NEK2: variants seen among roughly 807,000 people sequenced by gnomAD.
The protein encoded by NEK2 is serine/threonine-protein kinase Nek2.
NEK2 carries 28 observed loss-of-function variants against 54.1 expected under a neutral mutation model. The ratio of observed to expected loss-of-function variants is 0.52; its 90% CI spans 0.38 to 0.71. The LOEUF (loss-of-function observed/expected upper bound fraction) is 0.71. Ranked by LOEUF, NEK2 falls within the 30% of genes least tolerant of loss-of-function variation. NEK2 has a pLI of 0.00. For missense variants in NEK2, 407 were observed against 531.5 expected, an observed-to-expected ratio of 0.77 and a Z score of 2.30; for synonymous variants, 176 against 193.1, an observed-to-expected ratio of 0.91 and a Z score of 0.73.
rs1194373585 is a variant in NEK2 at position 211,669,059 on chromosome 1, T to A, written c.985+54A>T. 3 of 1,474,174 alleles carry A rather than the reference T, an allele frequency of 2.0e-6. No individual in the cohort carries two copies. The African/African-American group carries it at 4.2e-5, about 21-fold the overall frequency. The allele number at this position is 1,474,174 out of a possible 1,614,324, so 91.3% of individuals were successfully genotyped here. On this transcript the variant is annotated intron_variant, in intron 6 of 7. Coordinates refer to ENST00000366999, the MANE Select transcript of NEK2 (RefSeq NM_002497.4). ...CTGCTCAAAGAGATATTCAGACACA[T>A]CAAAATAACCCACTTGGTAGTTCTC...
At chr1:211,671,970 G>C (rs531401861) in intron 3 of NEK2, among the ~76,000 whole-genome samples, 1 of 152,320 alleles carries the variant, frequency 6.6e-6, no homozygotes, top group Admixed American at 6.5e-5. Context: ...AATTTCCCAA[G>C]AACCACTTCT....
At chr1:211,673,312 G>A (rs1655458197) in intron 3 of NEK2, among the ~76,000 whole-genome samples, 171 bp downstream of exon 3, 1 of 152,124 alleles carries the variant, frequency 6.6e-6, no homozygotes. Flanking sequence ...TACTTAGGAG[G>A]CTGATGCAGG....
chr1:211,673,705 C>G lies in NEK2; in HGVS notation c.333G>C (p.Glu111Asp). 2 of 1,614,168 alleles carry G rather than the reference C, an allele frequency of 1.2e-6. No homozygotes were observed. Residue 111 changes from glutamate (E) to aspartate (D), a missense_variant, in exon 3 of 8, where the codon GAG becomes GAC. Physicochemically the swap from Glu to Asp is conservative, Grantham distance 45. Coordinates refer to ENST00000366999, the MANE Select transcript of NEK2 (RefSeq NM_002497.4). ...ACTGAGTCATCACTCGAAGAACAAA[C>G]TCTTCATCTAAGTATTGCCTAAAAC... ...GTKERQYLDE[E>D]FVLRVMTQLT...
chr1:211,665,869 G>C (rs1229116711), intron 7 of NEK2, among the ~76,000 whole-genome samples: 1 of 152,118 alleles, frequency 6.6e-6, no homozygotes, highest in East Asian at 1.9e-4. Context: ...TGCTGCCAAT[G>C]CTCACTAAAT....
At chr1:211,666,822 T>C (rs1655196090) in intron 7 of NEK2, 1 of 938,554 alleles carries the variant, frequency 1.1e-6, no homozygotes, top group Non-Finnish European at 1.3e-6. Context: ...AAATAAATAA[T>C]GATAATAAAA....
chr1:211,662,849 A>T lies in NEK2; in HGVS notation c.*577T>A. ...ACAGACAGCTCATATTCTGTTAAAC[A>T]GAAAAAAAAAAAGAATACAAACATC... On this transcript the variant is annotated 3_prime_UTR_variant, in exon 8 of 8. Coordinates refer to ENST00000366999, the MANE Select transcript of NEK2 (RefSeq NM_002497.4). The surrounding 1 kb of genome is among the most constrained non-coding windows in gnomAD (Gnocchi z 4.2). 1.1e-6 allele frequency: 1 copy of T among 897,734 alleles called. No individual in the cohort carries two copies. 55.6% of individuals were successfully genotyped at this position (897,734 alleles called of 1,614,324 possible).
intron 6 of NEK2, among the ~76,000 whole-genome samples, chr1:211,668,561 C>T (rs1184530230): frequency 2.0e-5 from 3 of 152,014 alleles, no homozygotes; most frequent in African/African-American, 7.3e-5. Flanking sequence ...ATGGGAGGAT[C>T]ACTTGAGCTC....
chr1:211,660,247 G>T, downstream of NEK2: 1 of 363,230 alleles, frequency 2.8e-6, no homozygotes, highest in Non-Finnish European at 5.5e-6. Flanking sequence ...TGGGAGCAGG[G>T]GCATTGCATA....
chr1:211,666,618 G>T, intron 7 of NEK2: 1 of 326,828 alleles, frequency 3.1e-6, no homozygotes, highest in Non-Finnish European at 4.4e-6. Context: ...GGCTAACACG[G>T]TGAAACCCCG....
chr1:211,667,325 C>G, intron 6 of NEK2, 94 bp from the exon 7 acceptor site: 2 of 1,163,922 alleles, frequency 1.7e-6, no homozygotes, highest in Non-Finnish European at 2.4e-6. Flanking sequence ...TACTAGCATG[C>G]CTGATACTGA....
At chr1:211,660,424 G>A (rs1654988909), downstream of NEK2, 8 of 701,320 alleles carry the variant, frequency 1.1e-5, no homozygotes, top group Admixed American at 1.1e-4. Flanking sequence ...TTTTGGAGTG[G>A]CCCATTGCAG....
chr1:211,673,302 T>A (rs539424940), intron 3 of NEK2, among the ~76,000 whole-genome samples, 181 bp downstream of exon 3: 29 of 152,212 alleles, frequency 1.9e-4, no homozygotes, highest in African/African-American at 7.0e-4. Flanking sequence ...CCAGCTACTC[T>A]ACTTAGGAGG....
At chr1:211,661,337 C>T, downstream of NEK2, 1 of 445,800 alleles carries the variant, frequency 2.2e-6, no homozygotes, top group South Asian at 2.2e-5. Flanking sequence ...TATCTCCTGG[C>T]CTATCTACTC....
At chr1:211,660,291 G>C (rs1391562918), downstream of NEK2, 1 of 447,198 alleles carries the variant, frequency 2.2e-6, no homozygotes, top group African/African-American at 2.0e-5. Context: ...GGCTGTGGCT[G>C]TAACTGTCAT....
chr1:211,663,917 A>C (rs1273962901), intron 7 of NEK2, among the ~76,000 whole-genome samples: 2 of 152,200 alleles, frequency 1.3e-5, no homozygotes, highest in Non-Finnish European at 2.9e-5. Context: ...AATCAATTTT[A>C]CTCTTAAACA....
chr1:211,663,415 T>C lies in NEK2; in HGVS notation c.*11A>G, dbSNP rs1261173765. Reference sequence around the variant, plus strand: ...TACATCCTGTACACAGCTCTGTGTCTCTCTACCTGGCTAGCGCATGCCCAG... The same window carrying C: ...TACATCCTGTACACAGCTCTGTGTCCCTCTACCTGGCTAGCGCATGCCCAG... On this transcript the variant is annotated 3_prime_UTR_variant, in exon 8 of 8. Coordinates refer to ENST00000366999, the MANE Select transcript of NEK2 (RefSeq NM_002497.4). 1 of 1,605,806 alleles carries C rather than the reference T, an allele frequency of 6.2e-7. No homozygotes were observed. Among genetic ancestry groups the C allele is most frequent in the Non-Finnish European group, 8.5e-7 (1 of 1,174,840 alleles).
intron 7 of NEK2, among the ~76,000 whole-genome samples, chr1:211,664,126 G>A (rs897452642): frequency 6.7e-6 from 1 of 149,220 alleles, no homozygotes; most frequent in Non-Finnish European, 1.5e-5. Context: ...AGAACACTTA[G>A]TTCAAAGCAT....
At chr1:211,660,975 T>C (rs1655005041), downstream of NEK2, 4 of 745,238 alleles carry the variant, frequency 5.4e-6, no homozygotes, top group Non-Finnish European at 7.5e-6. Context: ...CTTGCAGCAG[T>C]TCCACACACC....
At chr1:211,672,615 T>TTA (rs561122815) in intron 3 of NEK2, among the ~76,000 whole-genome samples, 1 of 139,098 alleles carries the variant, frequency 7.2e-6, no homozygotes, top group Non-Finnish European at 1.6e-5. Context: ...AGTAAAATAT[T>TTA]AAAAAAAAAA....
Sources: allele counts gnomAD v4.1 joint callset (sites outside exome capture counted in the v4.1 genomes callset), GRCh38; gene constraint gnomAD v4.1.1; non-coding constraint Gnocchi (gnomAD v3.1); transcripts MANE v1.5; gene names NCBI Gene and HGNC (gene_info 2026-07-23, HGNC 2026-07-21).